Variants in AK5 observed in about 807,000 individuals in gnomAD.
AK5 encodes the protein adenylate kinase isoenzyme 5.
Under a neutral mutation model 69.5 loss-of-function variants are expected in AK5, and 27 were observed. That is an observed-to-expected ratio of 0.39 (90% CI 0.29 to 0.54). The LOEUF (loss-of-function observed/expected upper bound fraction) is 0.54, where lower values mean the gene tolerates loss of function less well. Ranked by LOEUF, AK5 falls within the 20% of genes least tolerant of loss-of-function variation. The pLI is 0.71. For missense variants in AK5, 531 were observed against 700.4 expected (o/e 0.76, Z 2.73); for synonymous variants, 260 against 244.4 (o/e 1.06, Z -0.60).
intron 8 of AK5, among the ~76,000 whole-genome samples, chr1:77,478,296 C>T (rs1294484428): frequency 6.6e-6 from 1 of 152,194 alleles, no homozygotes; most frequent in Non-Finnish European, 1.5e-5. Context: ...ACCCAAATCT[C>T]ATCTTGTAGC....
intron 6 of AK5, among the ~76,000 whole-genome samples, chr1:77,402,367 C>T (rs1203056940): frequency 6.6e-6 from 1 of 151,944 alleles, no homozygotes; most frequent in Admixed American, 6.5e-5. Context: ...CATATGTATA[C>T]ATGTGCCATG....
chr1:77,396,952 G>A (rs1390137408), intron 6 of AK5, among the ~76,000 whole-genome samples: 1 of 152,168 alleles, frequency 6.6e-6, no homozygotes, highest in Non-Finnish European at 1.5e-5. Flanking sequence ...CCATGCACAT[G>A]AGCCCACCTG....
chr1:77,491,643 A>AT (rs1460422506), intron 10 of AK5, among the ~76,000 whole-genome samples: 16 of 152,218 alleles, frequency 1.1e-4, no homozygotes, highest in Non-Finnish European at 1.8e-4. Flanking sequence ...GCTGCTTAAC[A>AT]TGAGCACTTT....
intron 5 of AK5, among the ~76,000 whole-genome samples, chr1:77,301,953 C>CT (rs56957310): frequency 1.2e-4 from 17 of 146,856 alleles, no homozygotes; most frequent in African/African-American, 3.2e-4. Context: ...CTATCCTCTC[C>CT]TTTTTTTTTT....
At chr1:77,454,135 C>T (rs769880144) in intron 8 of AK5, among the ~76,000 whole-genome samples, 74 of 152,312 alleles carry the variant, frequency 4.9e-4, no homozygotes, top group Non-Finnish European at 8.5e-4. Context: ...CTGCTGTGAC[C>T]GGATGGACCA....
At chr1:77,314,598 T>C (rs1660150012) in intron 5 of AK5, 1 of 152,138 alleles carries the variant, frequency 6.6e-6, no homozygotes, top group Non-Finnish European at 1.5e-5. Flanking sequence ...TCAGGGTGAT[T>C]AGCATATCCA....
intron 1 of AK5, chr1:77,283,625 T>C (rs750224599): frequency 2.9e-5 from 29 of 985,422 alleles, no homozygotes; most frequent in Non-Finnish European, 3.5e-5. Flanking sequence ...AACCACTCAC[T>C]GAACTCAAGC....
At chr1:77,331,302 A>G (rs1661075428) in intron 5 of AK5, among the ~76,000 whole-genome samples, 1 of 152,108 alleles carries the variant, frequency 6.6e-6, no homozygotes, top group Admixed American at 6.5e-5. Context: ...CCTGATCTTG[A>G]AGGGAAAGGT....
At chr1:77,411,998 G>A (rs1650077118) in intron 7 of AK5, among the ~76,000 whole-genome samples, 1 of 152,204 alleles carries the variant, frequency 6.6e-6, no homozygotes, top group Non-Finnish European at 1.5e-5. Flanking sequence ...TTAAGATTAT[G>A]AAAACATGAC....
chr1:77,319,524 C>A (rs923925131), intron 5 of AK5, among the ~76,000 whole-genome samples: 1 of 151,592 alleles, frequency 6.6e-6, no homozygotes, highest in Non-Finnish European at 1.5e-5. Context: ...TGCCAGCACA[C>A]ACTGGTTTGA....
chr1:77,321,370 A>G (rs1660520535), intron 5 of AK5, among the ~76,000 whole-genome samples: 1 of 152,024 alleles, frequency 6.6e-6, no homozygotes. Flanking sequence ...TCAGGAAGCT[A>G]AGGCAAGAGA....
intron 7 of AK5, among the ~76,000 whole-genome samples, chr1:77,413,443 T>G (rs1399669118): frequency 6.6e-6 from 1 of 152,118 alleles, no homozygotes; most frequent in African/African-American, 2.4e-5. Flanking sequence ...GACCCACAGG[T>G]GTACCAGGAC....
intron 6 of AK5, among the ~76,000 whole-genome samples, chr1:77,349,881 C>T (rs1010196): frequency 0.32 from 48,156 of 152,092 alleles, 7,803 homozygotes; most frequent in Middle Eastern, 0.37. Context: ...CTGTCCTTGT[C>T]TCCCTTAAGT....
At chr1:77,343,378 C>T (rs537439164) in intron 6 of AK5, among the ~76,000 whole-genome samples, 22 of 152,254 alleles carry the variant, frequency 1.4e-4, no homozygotes, top group South Asian at 1.0e-3. Flanking sequence ...ATCTCAGTTC[C>T]GTTGCCATTT....
intron 13 of AK5, among the ~76,000 whole-genome samples, chr1:77,536,708 A>G (rs1658990186): frequency 6.6e-6 from 1 of 152,190 alleles, no homozygotes; most frequent in Admixed American, 6.5e-5. Flanking sequence ...CTGGACTGTG[A>G]GATTATTCAC....
chr1:77,411,199 C>A lies in AK5; in HGVS notation c.982+128C>A, dbSNP rs537665039. 15 of 716,666 alleles carry A rather than the reference C, an allele frequency of 2.1e-5. No homozygotes were observed. The African/African-American group carries it at 2.5e-4, about 12-fold the overall frequency. The allele number at this position is 716,666 out of a possible 1,614,324, so 44.4% of individuals were successfully genotyped here. A position where few individuals can be genotyped will look rare whatever the true frequency, so the allele number is the denominator to read the frequency against. On this transcript the variant is annotated intron_variant, in intron 7 of 13. Coordinates refer to ENST00000354567, the MANE Select transcript of AK5 (RefSeq NM_174858.3). The stretch of plus-strand genomic sequence containing the variant: ...GAAGGATGACAAAGTCTTATACTTT[C>A]TGGTATAAAAATAAAAGTATAAAAC...
At chr1:77,378,198 C>T (rs1647368804) in intron 6 of AK5, among the ~76,000 whole-genome samples, 1 of 152,110 alleles carries the variant, frequency 6.6e-6, no homozygotes, top group Admixed American at 6.6e-5. Flanking sequence ...AAATTTTATC[C>T]CAAGTCTTGA....
chr1:77,419,591 A>C (rs116061943), intron 8 of AK5, among the ~76,000 whole-genome samples: 1 of 152,200 alleles, frequency 6.6e-6, no homozygotes, highest in South Asian at 2.1e-4. Context: ...TAACGGTTGA[A>C]TAGTAAACTA....
chr1:77,549,302 A>G (rs1415519155), intron 13 of AK5, among the ~76,000 whole-genome samples: 1 of 151,980 alleles, frequency 6.6e-6, no homozygotes, highest in Non-Finnish European at 1.5e-5. Context: ...TTTCTTCCTT[A>G]AAACTTTTAA....
Sources: allele counts gnomAD v4.1 joint callset (sites outside exome capture counted in the v4.1 genomes callset), GRCh38; gene constraint gnomAD v4.1.1; transcripts MANE v1.5; gene names NCBI Gene and HGNC (gene_info 2026-07-23, HGNC 2026-07-21).